The following FAM217A variants were observed in gnomAD, a reference collection of about 807,000 sequenced individuals.
FAM217A encodes the protein protein FAM217A.
A neutral mutation model predicts 18.5 loss-of-function variants in FAM217A; 13 were observed. The observed-to-expected ratio is 0.70, with a 90% CI of 0.46 to 1.12. The LOEUF (loss-of-function observed/expected upper bound fraction) is 1.12. Among genes scored for constraint, FAM217A ranks in the 50% most tolerant of loss-of-function variants. The pLI, the probability that FAM217A is intolerant of heterozygous loss-of-function variation, is 0.00. For synonymous variants in FAM217A, 161 were observed against 202.8 expected, an observed-to-expected ratio of 0.79 and a Z score of 1.75; for missense variants, 560 against 575.4, an observed-to-expected ratio of 0.97 and a Z score of 0.27.
At chr6:4,079,212 T>G, upstream of FAM217A, 2 of 264,246 alleles carry the variant, frequency 7.6e-6, no homozygotes. Flanking sequence ...TCCACGCGTA[T>G]TCGCGGGCCG....
In FAM217A at chr6:4,069,039, A is replaced by T; in HGVS notation, c.1184T>A (p.Leu395Ter). ...SLKSSSTPKQ[L>*]IETYDKNPKS... Reference sequence around the variant, plus strand: ...GGGATTCTTATCATAAGTTTCAATCAATTGTTTTGGGGTGGAAGAACTTTT... The same window carrying T: ...GGGATTCTTATCATAAGTTTCAATCTATTGTTTTGGGGTGGAAGAACTTTT... Residue 395 changes from leucine (L) to a stop codon, truncating the protein, a stop_gained, in exon 7 of 7, where the codon TTG becomes TAG. Transcript: ENST00000274673. LOFTEE classifies it low-confidence loss of function (END_TRUNC). The T allele has an allele frequency of 1.9e-6, 3 of 1,613,886 alleles. No individual in the cohort carries two copies. The highest frequency in any genetic ancestry group is 2.5e-6 in the Non-Finnish European group (3 of 1,179,946).
At chr6:4,074,364 A>C (rs1769625730) in intron 4 of FAM217A, 79 bp downstream of exon 4, 3 of 1,251,912 alleles carry the variant, frequency 2.4e-6, no homozygotes, top group South Asian at 1.5e-5. Context: ...ACTTTCAGGA[A>C]GAAAATTTTT....
intron 6 of FAM217A, among the ~76,000 whole-genome samples, chr6:4,070,995 CAAA>C (rs796795265): frequency 7.9e-6 from 1 of 126,624 alleles, no homozygotes; most frequent in Non-Finnish European, 1.7e-5. Context: ...GGCCCTGTTG[CAAA>C]AAAAAAAAGA....
At chr6:4,080,933 A>G (rs1423761681), upstream of FAM217A, among the ~76,000 whole-genome samples, 1 of 152,064 alleles carries the variant, frequency 6.6e-6, no homozygotes, top group Non-Finnish European at 1.5e-5. Context: ...AAGGAGAGAA[A>G]ACAAAAGTTG....
In FAM217A at chr6:4,069,547, A is replaced by G. The variant is rs1325557301; in HGVS notation, c.676T>C (p.Leu226=). ...ACATTTTTTATTGTTTCTGGCTTCA[A>G]GTTCAGGTCCACCTTTTTAAAATAG... ...LSYFKKVDLN[L]KPETIKNVEE... The change falls in exon 7 of 7, where the codon TTG becomes CTG. Residue 226 remains leucine (L), a synonymous_variant. Coordinates refer to ENST00000274673, the MANE Select transcript of FAM217A (RefSeq NM_173563.3). 11 of 1,614,042 alleles carry G rather than the reference A, an allele frequency of 6.8e-6. No individual in the cohort carries two copies. Among genetic ancestry groups the G allele is most frequent in the Non-Finnish European group, 9.3e-6 (11 of 1,180,032 alleles).
At chr6:4,075,074 G>T (rs762147657) in intron 2 of FAM217A, among the ~76,000 whole-genome samples, 1 of 152,328 alleles carries the variant, frequency 6.6e-6, no homozygotes, top group East Asian at 1.9e-4. Context: ...GCTCATGCCT[G>T]TACTCCCAGC....
chr6:4,068,494 T>C lies in FAM217A; in HGVS notation c.*202A>G, dbSNP rs545683709. 4.4e-6 allele frequency: 2 copies of C among 458,124 alleles called. No individual in the cohort carries two copies. The highest frequency in any genetic ancestry group is 3.9e-5 in the Admixed American group (1 of 25,884). 28.4% of individuals were successfully genotyped at this position (458,124 alleles called of 1,614,324 possible). A position where few individuals can be genotyped will look rare whatever the true frequency, so the allele number is the denominator to read the frequency against. On this transcript the variant is annotated 3_prime_UTR_variant, in exon 7 of 7. Transcript: ENST00000274673. ...ACACAACATGCAAAAGATTGTGAAA[T>C]ATGTCAGTATAGAAGCCTGTGGGTT... is the stretch of plus-strand genomic sequence containing the variant.
Position 4,068,475 on chromosome 6 carries a change from C to A in FAM217A, c.*221G>T. 1 of 433,426 alleles carries A rather than the reference C, an allele frequency of 2.3e-6. No homozygotes were observed. The highest frequency in any genetic ancestry group is 4.0e-6 in the Non-Finnish European group (1 of 248,678). 26.8% of individuals were successfully genotyped at this position (433,426 alleles called of 1,614,324 possible). On this transcript the variant is annotated 3_prime_UTR_variant, in exon 7 of 7. Transcript: ENST00000274673. ...AGTGAACCATTTACTTGAAACACAACATGCAAAAGATTGTGAAATATGTCA... is the reference window on the plus strand; with the variant it reads ...AGTGAACCATTTACTTGAAACACAAAATGCAAAAGATTGTGAAATATGTCA...
chr6:4,077,357 C>G lies in FAM217A; in HGVS notation c.58G>C (p.Glu20Gln). The change falls in exon 2 of 7, where the codon GAG becomes CAG. Residue 20 changes from glutamate (E) to glutamine (Q), a missense_variant and splice_region_variant. Physicochemically the swap from Glu to Gln is conservative, Grantham distance 29. Coordinates refer to ENST00000274673, the MANE Select transcript of FAM217A (RefSeq NM_173563.3). ...NSLRVSNISQ[E>Q]NLSHWNLDSE... ...AAGTTCAACAGCGCCTGCCATACCT[C>G]CTGAGAGATGTTTGACACACGTAGG... The G allele has an allele frequency of 6.2e-7, 1 of 1,614,210 alleles. No individual in the cohort carries two copies. The highest frequency in any genetic ancestry group is 8.5e-7 in the Non-Finnish European group (1 of 1,180,030).
At chr6:4,080,644 G>T (rs2783063), upstream of FAM217A, among the ~76,000 whole-genome samples, 38,752 of 151,978 alleles carry the variant, frequency 0.25, 5,788 homozygotes, top group African/African-American at 0.41. Flanking sequence ...TCCTAATGCC[G>T]GAAGGAGGAA....
Position 4,068,949 on chromosome 6 carries a change from T to G in FAM217A, c.1274A>C (p.Gln425Pro), listed in dbSNP as rs1336235860. The change falls in exon 7 of 7, where the codon CAA becomes CCA. Residue 425 changes from glutamine (Q) to proline (P), a missense_variant. Gln to Pro is a moderately conservative substitution (Grantham distance 76). Transcript: ENST00000274673. ...TGTGGAGACCATTTTAACCATTGAT[T>G]GATTTGTATGGCCAATAGTAGGTTT... ...SFKPTIGHTNQSMVKMVSTRC... is the reference protein window; with the variant it reads ...SFKPTIGHTNPSMVKMVSTRC... 6.2e-7 allele frequency: 1 copy of G among 1,614,216 alleles called. No individual in the cohort carries two copies. The highest frequency in any genetic ancestry group is 1.1e-5 in the South Asian group (1 of 91,082).
Position 4,073,353 on chromosome 6 carries a change from A to G in FAM217A, c.235-11T>C. On this transcript the variant is annotated splice_polypyrimidine_tract_variant and intron_variant, in intron 5 of 6. Transcript: ENST00000274673. ...CCCTTGTTTACTATTCTGATGACAG[A>G]AAAATAATGGGTAATAGTTTAGTAG... The G allele has an allele frequency of 6.2e-7, 1 of 1,603,972 alleles. No homozygotes were observed. Among genetic ancestry groups the G allele is most frequent in the African/African-American group, 1.3e-5 (1 of 74,660 alleles).
chr6:4,083,987 G>T (rs576297926), upstream of FAM217A, among the ~76,000 whole-genome samples: 15 of 152,254 alleles, frequency 9.9e-5, no homozygotes, highest in African/African-American at 3.4e-4. Flanking sequence ...TTTCAATTAT[G>T]GGCAATCTGT....
intron 1 of FAM217A, among the ~76,000 whole-genome samples, chr6:4,078,246 G>A (rs1282051192): frequency 6.6e-6 from 1 of 151,866 alleles, no homozygotes; most frequent in Non-Finnish European, 1.5e-5. Context: ...TAGAGATGGG[G>A]TTTCACCATG....
upstream of FAM217A, chr6:4,079,506 G>C (rs1344442639): frequency 3.1e-5 from 22 of 713,710 alleles, no homozygotes; most frequent in South Asian, 1.5e-4. Flanking sequence ...GGGCCTCCTC[G>C]GGCTTCCTTG....
At chr6:4,081,571 CA>C (rs1770302877), upstream of FAM217A, among the ~76,000 whole-genome samples, 1 of 152,212 alleles carries the variant, frequency 6.6e-6, no homozygotes, top group Admixed American at 6.5e-5. Context: ...CTCAGCCTCC[CA>C]AAGTGCTGGA....
In FAM217A at chr6:4,068,867, G is replaced by T; in HGVS notation, c.1356C>A (p.Pro452=). 1 of 1,614,048 alleles carries T rather than the reference G, an allele frequency of 6.2e-7. No individual in the cohort carries two copies. The highest frequency in any genetic ancestry group is 8.5e-7 in the Non-Finnish European group (1 of 1,179,994). The change falls in exon 7 of 7, where the codon CCC becomes CCA. Residue 452 remains proline, a synonymous_variant. Transcript: ENST00000274673. Reference sequence around the variant, plus strand: ...CCTTAATTTCTTCCTTCTGATTTTCGGGAAAAGTCAGAGGTATAGGTGAAA... The same window carrying T: ...CCTTAATTTCTTCCTTCTGATTTTCTGGAAAAGTCAGAGGTATAGGTGAAA... ...MPVSPIPLTF[P]ENQKEEIKAP... is the part of the protein sequence containing the mutation.
upstream of FAM217A, among the ~76,000 whole-genome samples, chr6:4,081,036 C>T (rs1224393254): frequency 6.6e-6 from 1 of 152,190 alleles, no homozygotes; most frequent in Non-Finnish European, 1.5e-5. Context: ...ACGTCTCAAT[C>T]ACTTTCTTTT....
chr6:4,084,598 G>A (rs1250927464), exon 2 of FAM217A: 1 of 702,876 alleles, frequency 1.4e-6, no homozygotes, highest in African/African-American at 1.7e-5. Flanking sequence ...CAGGAAAGGT[G>A]TAACTTGAAG....
Sources: allele counts gnomAD v4.1 joint callset (sites outside exome capture counted in the v4.1 genomes callset), GRCh38; gene constraint gnomAD v4.1.1; transcripts MANE v1.5; gene names NCBI Gene and HGNC (gene_info 2026-07-23, HGNC 2026-07-21).